CYYR1: variants seen among roughly 807,000 people sequenced by gnomAD.
CYYR1 encodes the protein cysteine and tyrosine-rich protein 1.
Under a neutral mutation model 15.2 loss-of-function variants are expected in CYYR1, and 14 were observed. That is an observed-to-expected ratio of 0.92 (90% CI 0.61 to 1.44). CYYR1 has a LOEUF of 1.44. Among genes scored for constraint, CYYR1 ranks in the 40% most tolerant of loss-of-function variants. The pLI, the probability that CYYR1 is intolerant of heterozygous loss-of-function variation, is 0.00. For synonymous variants in CYYR1, 80 were observed against 77.4 expected, an observed-to-expected ratio of 1.03 and a Z score of -0.18; for missense variants, 228 against 209.5, an observed-to-expected ratio of 1.09 and a Z score of -0.54.
intron 2 of CYYR1, among the ~76,000 whole-genome samples, chr21:26,520,327 T>G (rs1439889958): frequency 2.6e-5 from 4 of 151,318 alleles, no homozygotes; most frequent in Non-Finnish European, 4.4e-5. Context: ...AGAACATGTG[T>G]TGTTTGGTTT....
chr21:26,569,456 T>C (rs537105920), intron 1 of CYYR1, among the ~76,000 whole-genome samples: 5 of 151,314 alleles, frequency 3.3e-5, no homozygotes, highest in East Asian at 3.9e-4. Context: ...GGAAAGGGAG[T>C]GGGGAGGGTT....
chr21:26,482,438 A>G (rs1319565619), intron 2 of CYYR1: 1 of 985,084 alleles, frequency 1.0e-6, no homozygotes, highest in Non-Finnish European at 1.2e-6. Flanking sequence ...TTTCCTTCTT[A>G]CAGCAACTAA....
chr21:26,511,069 T>A (rs2065641268), intron 2 of CYYR1, among the ~76,000 whole-genome samples: 1 of 152,238 alleles, frequency 6.6e-6, no homozygotes, highest in Non-Finnish European at 1.5e-5. Flanking sequence ...TCTTGCTAAC[T>A]GACGTTATTG....
At chr21:26,557,857 AATTC>A (rs1366266368) in intron 2 of CYYR1, among the ~76,000 whole-genome samples, 2 of 152,272 alleles carry the variant, frequency 1.3e-5, no homozygotes, top group East Asian at 3.9e-4. Context: ...CTAAAAGTAG[AATTC>A]ATTCCCGTTT....
chr21:26,514,504 A>C (rs1234439591), intron 2 of CYYR1, among the ~76,000 whole-genome samples: 1 of 152,208 alleles, frequency 6.6e-6, no homozygotes, highest in Non-Finnish European at 1.5e-5. Context: ...CCCTCATCAG[A>C]AGCAGATGCT....
chr21:26,518,975 T>C (rs1034755048), intron 2 of CYYR1, among the ~76,000 whole-genome samples: 1 of 152,234 alleles, frequency 6.6e-6, no homozygotes, highest in Admixed American at 6.5e-5. Context: ...GGCCTGTTTG[T>C]GATCCACTGC....
At chr21:26,497,841 T>G (rs181327597) in intron 2 of CYYR1, among the ~76,000 whole-genome samples, 1 of 152,188 alleles carries the variant, frequency 6.6e-6, no homozygotes, top group Non-Finnish European at 1.5e-5. Flanking sequence ...TTTTCTACAT[T>G]GAAAGACAGG....
intron 2 of CYYR1, among the ~76,000 whole-genome samples, chr21:26,531,509 G>A (rs1384234710): frequency 6.6e-6 from 1 of 152,044 alleles, no homozygotes; most frequent in Non-Finnish European, 1.5e-5. Flanking sequence ...AGATCTGGTT[G>A]TTTAAAAGTG....
At position 26,496,200 on chromosome 21, in the gene CYYR1, TG is replaced by T. The variant is rs1385245391; in HGVS notation, c.177-15772del. Among the ~76,000 whole-genome samples the T allele has an allele frequency of 6.6e-5, 10 of 152,202 alleles. 1 individual carries two copies. The highest frequency in any genetic ancestry group is 2.4e-4 in the African/African-American group (10 of 41,452). ...TAGTAGTGCTAATACGTAGCTAGAT[TG>T]GGAATCCCTGAGTTGATGTAACTAG... On this transcript the variant is annotated intron_variant, in intron 2 of 3. Transcript: ENST00000652641.
At chr21:26,523,991 CAGTT>C (rs2065833436) in intron 2 of CYYR1, among the ~76,000 whole-genome samples, 2 of 152,100 alleles carry the variant, frequency 1.3e-5, no homozygotes, top group Non-Finnish European at 2.9e-5. Flanking sequence ...TTTTGTGAGA[CAGTT>C]AGCATCCTGG....
At chr21:26,523,663 T>G (rs1033961741) in intron 2 of CYYR1, among the ~76,000 whole-genome samples, 5 of 152,332 alleles carry the variant, frequency 3.3e-5, no homozygotes, top group East Asian at 1.9e-4. Flanking sequence ...GTCCTAAATC[T>G]TTGGCTAGAA....
At position 26,537,210 on chromosome 21, in the gene CYYR1, G is replaced by C. The variant is rs191460704; in HGVS notation, c.176+29056C>G. ...AGGGACTCGGAGACTCTGTGGTGCT[G>C]AAATCAGGTATGGATTTGACTTAAA... On this transcript the variant is annotated intron_variant, in intron 2 of 3. Transcript: ENST00000652641. 3.0e-3 allele frequency among the ~76,000 whole-genome samples: 463 copies of C among 152,264 alleles called. 1 individual carries two copies. The highest frequency in any genetic ancestry group is 5.0e-3 in the Non-Finnish European group (337 of 68,008).
At chr21:26,563,287 A>C (rs78785222) in intron 2 of CYYR1, among the ~76,000 whole-genome samples, 1 of 152,108 alleles carries the variant, frequency 6.6e-6, no homozygotes, top group Non-Finnish European at 1.5e-5. Flanking sequence ...AAAAAAAAAA[A>C]ATGAGAGGGC....
intron 2 of CYYR1, among the ~76,000 whole-genome samples, chr21:26,530,322 T>A (rs2065915660): frequency 6.6e-6 from 1 of 152,090 alleles, no homozygotes; most frequent in Admixed American, 6.6e-5. Flanking sequence ...AAGTATAATA[T>A]AAATAACTAT....
intron 2 of CYYR1, among the ~76,000 whole-genome samples, chr21:26,534,094 T>C (rs1440521776): frequency 6.6e-6 from 1 of 152,142 alleles, no homozygotes; most frequent in Non-Finnish European, 1.5e-5. Flanking sequence ...CAGAATCTCA[T>C]AATGGCCTCG....
chr21:26,503,939 G>C (rs2065516819), intron 2 of CYYR1, among the ~76,000 whole-genome samples: 1 of 151,972 alleles, frequency 6.6e-6, no homozygotes, highest in African/African-American at 2.4e-5. Flanking sequence ...ATTCAAAAAG[G>C]CTTTACGTAT....
At chr21:26,472,347 T>TTTA (rs1228434125) in intron 3 of CYYR1, among the ~76,000 whole-genome samples, 2 of 152,126 alleles carry the variant, frequency 1.3e-5, no homozygotes, top group African/African-American at 4.8e-5. Flanking sequence ...ATTTTTTTTT[T>TTTA]AGAATAAAAT....
At chr21:26,552,635 T>A (rs944633959) in intron 2 of CYYR1, among the ~76,000 whole-genome samples, 9 of 152,102 alleles carry the variant, frequency 5.9e-5, no homozygotes, top group Non-Finnish European at 1.3e-4. Context: ...TTGACTATAT[T>A]ACTCTGTAGT....
intron 2 of CYYR1, among the ~76,000 whole-genome samples, chr21:26,547,735 A>ACGGGTTTTGTTCCTTC (rs1979072191): frequency 6.6e-6 from 1 of 151,828 alleles, no homozygotes; most frequent in African/African-American, 2.4e-5. Context: ...CATTCAGGTT[A>ACGGGTTTTGTTCCTTC]CGGGTTTTGT....
Sources: allele counts gnomAD v4.1 joint callset (sites outside exome capture counted in the v4.1 genomes callset), GRCh38; gene constraint gnomAD v4.1.1; transcripts MANE v1.5; gene names NCBI Gene and HGNC (gene_info 2026-07-23, HGNC 2026-07-21).